SLC10A7: variants seen among roughly 807,000 people sequenced by gnomAD.
SLC10A7 encodes sodium/bile acid cotransporter 7.
SLC10A7 carries 29 observed loss-of-function variants against 43.2 expected under a neutral mutation model. That is an observed-to-expected ratio of 0.67 (90% confidence interval 0.50 to 0.92). The LOEUF is 0.92. Among genes scored for constraint, SLC10A7 ranks in the 40% least tolerant of loss-of-function variants. The pLI is 0.00. For missense variants in SLC10A7, 295 were observed against 403.2 expected, an observed-to-expected ratio of 0.73 and a Z score of 2.30; for synonymous variants, 152 against 144.8, an observed-to-expected ratio of 1.05 and a Z score of -0.35.
In SLC10A7 at chr4:146,305,987, G is replaced by T; in HGVS notation, c.494C>A (p.Pro165His). Reference protein sequence around the residue: ...LLFLGSSSSVPFTSIFSQLFM... With the variant: ...LLFLGSSSSVHFTSIFSQLFM... ...AAGCTGAGAAAAAATAGATGTGAAA[G>T]GCACAGAAGAAGATGAACCAAGCTG... The change falls in exon 7 of 12, where the codon CCT becomes CAT. Residue 165 changes from proline (P) to histidine (H), a missense_variant. Transcript: ENST00000335472. 1 of 1,609,070 alleles carries T rather than the reference G, an allele frequency of 6.2e-7. No individual in the cohort carries two copies. The highest frequency in any genetic ancestry group is 8.5e-7 in the Non-Finnish European group (1 of 1,178,118).
chr4:146,382,173 G>T (rs1029176534), intron 5 of SLC10A7, among the ~76,000 whole-genome samples: 1 of 152,130 alleles, frequency 6.6e-6, no homozygotes, highest in Non-Finnish European at 1.5e-5. Flanking sequence ...GATTATACAT[G>T]CTGTGCAATT....
intron 7 of SLC10A7, among the ~76,000 whole-genome samples, chr4:146,302,120 T>C (rs866406831): frequency 6.6e-5 from 10 of 152,200 alleles, no homozygotes; most frequent in Non-Finnish European, 1.5e-4. Flanking sequence ...AAGCCAAGCA[T>C]TTATTATTAA....
At chr4:146,330,090 T>G (rs1733428667) in intron 5 of SLC10A7, among the ~76,000 whole-genome samples, 1 of 152,168 alleles carries the variant, frequency 6.6e-6, no homozygotes, top group Non-Finnish European at 1.5e-5. Context: ...TTTCGTTGTC[T>G]CCTGAAAAAA....
Position 146,326,943 on chromosome 4 carries a change from C to T in SLC10A7, c.436-947G>A, listed in dbSNP as rs1053230889. Among the ~76,000 whole-genome samples, 852 of 95,384 alleles carry T rather than the reference C, an allele frequency of 8.9e-3. 5 individuals are homozygous for T. Among genetic ancestry groups the T allele is most frequent in the South Asian group, 0.028 (63 of 2,212 alleles). 62.6% of individuals were successfully genotyped at this position (95,384 alleles called of 152,430 possible). A position where few individuals can be genotyped will look rare whatever the true frequency, so the allele number is the denominator to read the frequency against. On this transcript the variant is annotated intron_variant, in intron 5 of 11. Coordinates refer to ENST00000335472, the MANE Select transcript of SLC10A7 (RefSeq NM_001029998.6). The stretch of plus-strand genomic sequence containing the variant: ...ACACACACACACACACACACACACA[C>T]ACACACACACACACACACACACACA...
Position 146,384,744 on chromosome 4 carries a change from C to T in SLC10A7, c.435+58039G>A, listed in dbSNP as rs550654422. Among the ~76,000 whole-genome samples the T allele has an allele frequency of 3.3e-4, 50 of 152,028 alleles. 1 individual carries two copies. The highest frequency in any genetic ancestry group is 1.2e-3 in the African/African-American group (48 of 41,498). ...TCCAAATCTTATGTTAAAATATAAT[C>T]CCCAATGTTGGAGGTGGGCCTACTG... is the stretch of plus-strand genomic sequence containing the variant. On this transcript the variant is annotated intron_variant, in intron 5 of 11. Coordinates refer to ENST00000335472, the MANE Select transcript of SLC10A7 (RefSeq NM_001029998.6).
intron 5 of SLC10A7, among the ~76,000 whole-genome samples, chr4:146,327,391 C>T (rs1733206657): frequency 6.6e-6 from 1 of 152,180 alleles, no homozygotes; most frequent in African/African-American, 2.4e-5. Flanking sequence ...AACAGGTTCT[C>T]ATTAACACAT....
intron 5 of SLC10A7, among the ~76,000 whole-genome samples, chr4:146,340,535 G>GGAGA (rs35059793): frequency 0.015 from 2,146 of 141,888 alleles, 53 homozygotes; most frequent in African/African-American, 0.051. Flanking sequence ...ATATATATAT[G>GGAGA]GAGAGAGAGA....
intron 6 of SLC10A7, among the ~76,000 whole-genome samples, chr4:146,319,465 T>A (rs75952808): frequency 0.065 from 9,946 of 152,072 alleles, 426 homozygotes; most frequent in South Asian, 0.19. Context: ...TCTACATTAT[T>A]TATTTTTGTC....
At chr4:146,404,480 G>A (rs202094051) in intron 5 of SLC10A7, among the ~76,000 whole-genome samples, 1 of 125,322 alleles carries the variant, frequency 8.0e-6, no homozygotes. Flanking sequence ...TCATTTATGT[G>A]TGTGTGTGTG....
chr4:146,453,717 C>T (rs1186737423), intron 4 of SLC10A7, among the ~76,000 whole-genome samples: 1 of 151,820 alleles, frequency 6.6e-6, no homozygotes. Flanking sequence ...AAAACGCATA[C>T]AAAAAATTCT....
At chr4:146,497,393 T>G (rs1294045617) in intron 4 of SLC10A7, among the ~76,000 whole-genome samples, 1 of 152,196 alleles carries the variant, frequency 6.6e-6, no homozygotes. Flanking sequence ...TGCCCTGACT[T>G]TTATCTATTA....
chr4:146,335,992 G>T (rs1218529970), intron 5 of SLC10A7, among the ~76,000 whole-genome samples: 1 of 152,040 alleles, frequency 6.6e-6, no homozygotes, highest in Non-Finnish European at 1.5e-5. Context: ...CTCCGCCCCA[G>T]AACTACTATG....
At chr4:146,504,305 G>A (rs1736694273) in intron 3 of SLC10A7, among the ~76,000 whole-genome samples, 1 of 152,030 alleles carries the variant, frequency 6.6e-6, no homozygotes, top group Admixed American at 6.5e-5. Flanking sequence ...AGATCACGAG[G>A]TCAGGAGATC....
chr4:146,281,091 T>C (rs996059812), intron 10 of SLC10A7, among the ~76,000 whole-genome samples: 3 of 152,130 alleles, frequency 2.0e-5, no homozygotes, highest in Non-Finnish European at 4.4e-5. Context: ...CCCAACCCTT[T>C]TTAGCAAAAC....
At chr4:146,468,119 T>G (rs1733215805) in intron 4 of SLC10A7, among the ~76,000 whole-genome samples, 1 of 152,194 alleles carries the variant, frequency 6.6e-6, no homozygotes, top group Admixed American at 6.5e-5. Flanking sequence ...CGAGTTTAAT[T>G]AAACTACTTC....
intron 5 of SLC10A7, among the ~76,000 whole-genome samples, chr4:146,395,359 C>T (rs1360211433): frequency 6.6e-6 from 1 of 152,188 alleles, no homozygotes; most frequent in Non-Finnish European, 1.5e-5. Flanking sequence ...CACTGCACTA[C>T]ATTCTAGGTA....
intron 4 of SLC10A7, among the ~76,000 whole-genome samples, chr4:146,469,409 T>C (rs1054074655): frequency 1.3e-5 from 2 of 152,168 alleles, no homozygotes; most frequent in African/African-American, 2.4e-5. Context: ...CAGGGAAAAG[T>C]AAGAGAAAAC....
At chr4:146,299,626 A>C (rs1387657886) in intron 7 of SLC10A7, among the ~76,000 whole-genome samples, 1 of 152,164 alleles carries the variant, frequency 6.6e-6, no homozygotes, top group East Asian at 1.9e-4. Flanking sequence ...ACAGAAGCAA[A>C]GTCAGTGAGA....
chr4:146,490,479 C>G (rs953839378), intron 4 of SLC10A7, among the ~76,000 whole-genome samples: 41 of 152,098 alleles, frequency 2.7e-4, no homozygotes, highest in Non-Finnish European at 4.1e-4. Context: ...AATATTTTAC[C>G]TCATATTGTT....
Sources: gnomAD v4.1 joint callset for allele counts (sites outside exome capture counted in the v4.1 genomes callset) on GRCh38, gnomAD v4.1.1 for gene constraint, MANE v1.5 for transcripts, NCBI Gene and HGNC (gene_info 2026-07-23, HGNC 2026-07-21) for gene names.